Variants in TRAF3 observed in about 807,000 individuals in gnomAD.
TRAF3 encodes TNF receptor associated factor 3.
In TRAF3, 13 loss-of-function variants were observed where a neutral mutation model predicts 62.3. That is an observed-to-expected ratio of 0.21 (90% confidence interval 0.14 to 0.33). The LOEUF (loss-of-function observed/expected upper bound fraction) is 0.33. Ranked by LOEUF, TRAF3 falls within the 10% of genes least tolerant of loss-of-function variation. The pLI, the probability that TRAF3 is intolerant of heterozygous loss-of-function variation, is 1.00. For synonymous variants in TRAF3, 269 were observed against 283.4 expected (o/e 0.95, Z 0.51); for missense variants, 440 against 741.8 (o/e 0.59, Z 4.73).
At chr14:102,824,970 A>G (rs1027864509) in intron 1 of TRAF3, among the ~76,000 whole-genome samples, 1 of 152,232 alleles carries the variant, frequency 6.6e-6, no homozygotes, top group African/African-American at 2.4e-5. Context: ...TCCTGCAGAA[A>G]GAGAATGCAT....
chr14:102,817,956 G>A (rs557195433), intron 1 of TRAF3, among the ~76,000 whole-genome samples: 1 of 152,238 alleles, frequency 6.6e-6, no homozygotes, highest in African/African-American at 2.4e-5. Flanking sequence ...CATCTTAATA[G>A]TTGTTTGGCA....
intron 1 of TRAF3, among the ~76,000 whole-genome samples, chr14:102,807,148 T>G (rs183473803): frequency 2.6e-4 from 39 of 152,322 alleles, no homozygotes; most frequent in African/African-American, 9.4e-4. Context: ...CAGAGAGATC[T>G]AAACATAGGT....
At chr14:102,872,597 G>T (rs1888402491) in intron 4 of TRAF3, among the ~76,000 whole-genome samples, 1 of 152,184 alleles carries the variant, frequency 6.6e-6, no homozygotes, top group South Asian at 2.1e-4. Context: ...TCCTTCTCAT[G>T]GAGACTGACA....
intron 6 of TRAF3, among the ~76,000 whole-genome samples, chr14:102,885,386 A>G (rs1889318200): frequency 6.6e-6 from 1 of 152,208 alleles, no homozygotes; most frequent in Non-Finnish European, 1.5e-5. Flanking sequence ...CCGCTGCCAC[A>G]GTCTTCTGCT....
intron 2 of TRAF3, among the ~76,000 whole-genome samples, chr14:102,845,095 A>G (rs1042105333): frequency 6.6e-5 from 10 of 151,762 alleles, no homozygotes; most frequent in African/African-American, 2.2e-4. Flanking sequence ...ACAGGGTTTC[A>G]CTGTGTTAAC....
intron 2 of TRAF3, among the ~76,000 whole-genome samples, chr14:102,861,938 G>A (rs1478031046): frequency 6.6e-6 from 1 of 152,068 alleles, no homozygotes. Context: ...TATATATCCT[G>A]GATGCTAAAC....
chr14:102,879,711 ATACTT>A lies in TRAF3; in HGVS notation c.570+3189_570+3193del, dbSNP rs878875001. ...CGGCAATTACTTTTGCACCAACTAA[ATACTT>A]TATAATCTCTGAATTTGCCTTGCTT... On this transcript the variant is annotated intron_variant, in intron 6 of 11. Coordinates refer to ENST00000392745, the MANE Select transcript of TRAF3 (RefSeq NM_145725.3). Among the ~76,000 whole-genome samples, 27 of 151,988 alleles carry A rather than the reference ATACTT, an allele frequency of 1.8e-4. No individual in the cohort carries two copies. In the South Asian group the frequency reaches 5.6e-3, roughly 32 times the overall value.
At position 102,909,889 on chromosome 14, in the gene TRAF3, C is replaced by T. The variant is rs1452327706; in HGVS notation, c.*4105C>T. 1 of 152,270 alleles carries T rather than the reference C, an allele frequency of 6.6e-6. No individual in the cohort carries two copies. The highest frequency in any genetic ancestry group is 1.5e-5 in the Non-Finnish European group (1 of 68,072). The allele number at this position is 152,270 out of a possible 1,614,324, so 9.4% of individuals were successfully genotyped here. On this transcript the variant is annotated 3_prime_UTR_variant, in exon 12 of 12. Transcript: ENST00000392745. ...GGTAGTCAGCATGGTGGACCCACAT[C>T]CTACAGCCAGAGGTGATGTTGGACA...
At chr14:102,807,564 C>G (rs1898850656) in intron 1 of TRAF3, among the ~76,000 whole-genome samples, 1 of 152,234 alleles carries the variant, frequency 6.6e-6, no homozygotes, top group African/African-American at 2.4e-5. Context: ...TAGATGATAA[C>G]TCACTCACCT....
At chr14:102,790,354 A>T (rs1371107332) in intron 1 of TRAF3, among the ~76,000 whole-genome samples, 1 of 152,194 alleles carries the variant, frequency 6.6e-6, no homozygotes, top group South Asian at 2.1e-4. Context: ...CTGGACTCTC[A>T]GTTCTATTCT....
chr14:102,856,312 A>C (rs1192780588), intron 2 of TRAF3, among the ~76,000 whole-genome samples: 1 of 152,044 alleles, frequency 6.6e-6, no homozygotes, highest in Admixed American at 6.5e-5. Flanking sequence ...CAAGGGGTGG[A>C]TTATTCATGA....
intron 5 of TRAF3, 63 bp from the exon 6 acceptor site, chr14:102,876,295 A>G: frequency 6.4e-7 from 1 of 1,572,114 alleles, no homozygotes. Context: ...AGAGATTAGA[A>G]TCTGGTATTT....
At chr14:102,803,185 T>C (rs1317744144) in intron 1 of TRAF3, among the ~76,000 whole-genome samples, 1 of 152,208 alleles carries the variant, frequency 6.6e-6, no homozygotes, top group African/African-American at 2.4e-5. Flanking sequence ...TGGCTTACGC[T>C]CCTGGCTTGG....
intron 6 of TRAF3, among the ~76,000 whole-genome samples, chr14:102,884,811 C>CA (rs879865201): frequency 1.5e-3 from 181 of 121,468 alleles, no homozygotes; most frequent in Middle Eastern, 4.5e-3. Context: ...GACTCCGTCT[C>CA]AAAAAAAAAA....
intron 2 of TRAF3, chr14:102,866,016 T>A (rs1423117599): frequency 1.3e-5 from 2 of 152,156 alleles, no homozygotes; most frequent in Non-Finnish European, 2.9e-5. Flanking sequence ...TAGCAAAGAC[T>A]TGGAACCAAC....
intron 1 of TRAF3, among the ~76,000 whole-genome samples, chr14:102,781,714 C>T (rs1897280272): frequency 6.6e-6 from 1 of 152,044 alleles, no homozygotes; most frequent in Non-Finnish European, 1.5e-5. Flanking sequence ...GCAACCTCCG[C>T]CTCCTGGGTT....
chr14:102,870,698 G>T (rs993470356), intron 3 of TRAF3, among the ~76,000 whole-genome samples: 15 of 152,148 alleles, frequency 9.9e-5, no homozygotes, highest in African/African-American at 3.6e-4. Flanking sequence ...GAGCCTTGGT[G>T]CCCCTCATAT....
intron 1 of TRAF3, among the ~76,000 whole-genome samples, chr14:102,778,242 G>C (rs1430787000): frequency 1.3e-5 from 2 of 151,596 alleles, no homozygotes. Context: ...GGCCGCCGAG[G>C]GCCGGCGACT....
chr14:102,872,699 CT>C (rs561941029), intron 4 of TRAF3, among the ~76,000 whole-genome samples: 10 of 148,104 alleles, frequency 6.8e-5, no homozygotes, highest in Non-Finnish European at 6.0e-5. Flanking sequence ...TCTTCTTTTT[CT>C]TTTTTTTTTG....
Sources: gnomAD v4.1 joint callset for allele counts (sites outside exome capture counted in the v4.1 genomes callset) on GRCh38, gnomAD v4.1.1 for gene constraint, MANE v1.5 for transcripts, NCBI Gene and HGNC (gene_info 2026-07-23, HGNC 2026-07-21) for gene names.